Variants in MPP4 observed in about 807,000 individuals in gnomAD.
The protein encoded by MPP4 is MAGUK p55 scaffold protein 4.
MPP4 carries 91 observed loss-of-function variants against 98.3 expected under a neutral mutation model. The observed-to-expected ratio is 0.93, with a 90% CI of 0.78 to 1.10. The LOEUF is 1.10. Ranked by LOEUF, MPP4 falls within the 50% of genes least tolerant of loss-of-function variation. The probability of loss-of-function intolerance (pLI) is 0.00; values close to 1 mark genes in which losing one functional copy is unlikely to be tolerated. For missense variants in MPP4, 744 were observed against 792.9 expected, an observed-to-expected ratio of 0.94 and a Z score of 0.74; for synonymous variants, 261 against 271.8, an observed-to-expected ratio of 0.96 and a Z score of 0.39.
At chr2:201,652,148 G>T in intron 18 of MPP4, 1 of 295,624 alleles carries the variant, frequency 3.4e-6, no homozygotes, top group Non-Finnish European at 5.0e-6. Flanking sequence ...ATCTTCCCCA[G>T]CCCCTGCACA....
intron 14 of MPP4, among the ~76,000 whole-genome samples, chr2:201,660,754 C>T (rs1334800297): frequency 6.6e-6 from 1 of 152,146 alleles, no homozygotes; most frequent in Non-Finnish European, 1.5e-5. Flanking sequence ...AGAAATGGTG[C>T]TGCTGCTGGG....
intron 10 of MPP4, among the ~76,000 whole-genome samples, chr2:201,677,218 G>A (rs1267588965): frequency 6.6e-6 from 1 of 151,802 alleles, no homozygotes; most frequent in African/African-American, 2.4e-5. Context: ...TTCTCCTCTG[G>A]GAGCTCCTGG....
chr2:201,647,789 A>G lies in MPP4; in HGVS notation c.1621T>C (p.Tyr541His). 1 of 1,613,852 alleles carries G rather than the reference A, an allele frequency of 6.2e-7. No individual in the cohort carries two copies. Among genetic ancestry groups the G allele is most frequent in the Non-Finnish European group, 8.5e-7 (1 of 1,179,778 alleles). Residue 541 changes from tyrosine (Y) to histidine (H), a missense_variant, in exon 21 of 22, where the codon TAT becomes CAT. By Grantham distance (83) the Tyr-to-His change is moderately conservative. Coordinates refer to ENST00000409474, the MANE Select transcript of MPP4 (RefSeq NM_033066.3). ...QGVRTHELKP[Y>H]VIFIKPSNMR... ...TTCGATGGCTTTATAAATATGACAT[A>G]GGGCTTCAGTTCATGGGTTCGAACC...
intron 17 of MPP4, among the ~76,000 whole-genome samples, chr2:201,655,374 G>T (rs1687820956): frequency 6.6e-6 from 1 of 152,214 alleles, no homozygotes; most frequent in Non-Finnish European, 1.5e-5. Flanking sequence ...TCCGGCCGGA[G>T]GCAGGGCCGA....
intron 2 of MPP4, 131 bp from the exon 3 acceptor site, chr2:201,693,160 C>T (rs1213051123): frequency 1.9e-6 from 2 of 1,047,130 alleles, no homozygotes; most frequent in East Asian, 2.6e-5. Context: ...GCCAAAAGAT[C>T]TGACTTCAAG....
At chr2:201,697,333 CT>C (rs1210712271) in intron 1 of MPP4, among the ~76,000 whole-genome samples, 1 of 152,208 alleles carries the variant, frequency 6.6e-6, no homozygotes, top group Non-Finnish European at 1.5e-5. Context: ...ATGATTTTCC[CT>C]CCCTCCAGGT....
In MPP4 at chr2:201,679,231, C is replaced by T. The variant is rs150437185; in HGVS notation, c.929+1607G>A. On this transcript the variant is annotated intron_variant, in intron 10 of 21. Transcript: ENST00000409474. ...GTCACACTCCATCCTTATAATCTGT[C>T]CCTTGGCCCCCTCTTGATTTGCTGT... Among the ~76,000 whole-genome samples the T allele has an allele frequency of 2.0e-5, 3 of 152,240 alleles. No homozygotes were observed. The East Asian group carries it at 5.8e-4, about 29-fold the overall frequency.
At chr2:201,686,332 C>T (rs989072129) in intron 5 of MPP4, among the ~76,000 whole-genome samples, 4 of 152,108 alleles carry the variant, frequency 2.6e-5, no homozygotes, top group Non-Finnish European at 1.5e-5. Context: ...TGTATTATGC[C>T]ACGACATTCT....
intron 4 of MPP4, among the ~76,000 whole-genome samples, chr2:201,687,709 T>C (rs1183934697): frequency 6.6e-6 from 1 of 152,122 alleles, no homozygotes; most frequent in Non-Finnish European, 1.5e-5. Flanking sequence ...ATATAATAGC[T>C]GTTGGCTGAT....
At chr2:201,684,156 C>T (rs1321980358) in intron 7 of MPP4, among the ~76,000 whole-genome samples, 2 of 150,304 alleles carry the variant, frequency 1.3e-5, no homozygotes, top group Non-Finnish European at 3.0e-5. Flanking sequence ...GAAGTTGAGG[C>T]TACAGTGAGT....
At position 201,675,283 on chromosome 2, in the gene MPP4, A is replaced by G. The variant is rs761003642; in HGVS notation, c.930-12T>C. The G allele has an allele frequency of 4.5e-4, 722 of 1,599,256 alleles. 3 individuals are homozygous for G. Among genetic ancestry groups the G allele is most frequent in the Non-Finnish European group, 5.9e-4 (692 of 1,173,560 alleles). ...ATTCCCGTTGCTTCCTATGGGGGGG[A>G]AAAAACCATGCGACAAAAAACAAAC... On this transcript the variant is annotated splice_polypyrimidine_tract_variant and intron_variant, in intron 10 of 21. Coordinates refer to ENST00000409474, the MANE Select transcript of MPP4 (RefSeq NM_033066.3).
chr2:201,668,102 T>C (rs1688233822), intron 12 of MPP4, among the ~76,000 whole-genome samples: 3 of 152,204 alleles, frequency 2.0e-5, no homozygotes, highest in Non-Finnish European at 4.4e-5. Context: ...ACAATTTTCA[T>C]TTTTATTTTA....
chr2:201,647,878 C>T, intron 20 of MPP4, 53 bp from the exon 21 acceptor site: 1 of 1,526,332 alleles, frequency 6.6e-7, no homozygotes, highest in Non-Finnish European at 8.9e-7. Context: ...TGTTTTGAGA[C>T]ATGGTCTTGC....
chr2:201,660,900 A>G (rs1688007570), intron 14 of MPP4, among the ~76,000 whole-genome samples: 1 of 152,082 alleles, frequency 6.6e-6, no homozygotes, highest in Non-Finnish European at 1.5e-5. Flanking sequence ...TGTTTTCTAG[A>G]TATCACAAAA....
chr2:201,648,638 ACT>A lies in MPP4; in HGVS notation c.1585-815_1585-814del, dbSNP rs745912684. ...TCTCATATGACAAAGACAAAGACAG[ACT>A]CTCAAGGTGGATCAGCTCTGTTTCA... On this transcript the variant is annotated intron_variant, in intron 20 of 21. Coordinates refer to ENST00000409474, the MANE Select transcript of MPP4 (RefSeq NM_033066.3). Among the ~76,000 whole-genome samples, 14 of 152,104 alleles carry A rather than the reference ACT, an allele frequency of 9.2e-5. No homozygotes were observed. The East Asian group carries it at 2.1e-3, about 23-fold the overall frequency.
At chr2:201,658,660 C>A in intron 15 of MPP4, 142 bp from the exon 16 acceptor site, 2 of 644,440 alleles carry the variant, frequency 3.1e-6, no homozygotes, top group Admixed American at 3.2e-5. Flanking sequence ...AGTGGCTCAC[C>A]GAATGTTCTA....
At chr2:201,667,009 C>T (rs970159501) in intron 12 of MPP4, among the ~76,000 whole-genome samples, 8 of 152,102 alleles carry the variant, frequency 5.3e-5, no homozygotes, top group Non-Finnish European at 8.8e-5. Context: ...CTCTGTTCTC[C>T]ATGTGAAAAT....
At chr2:201,655,619 G>A (rs1239869006) in intron 17 of MPP4, among the ~76,000 whole-genome samples, 11 of 152,150 alleles carry the variant, frequency 7.2e-5, no homozygotes, top group Admixed American at 5.9e-4. Context: ...AGGCAGACAC[G>A]AAGGCAGTAG....
At chr2:201,668,425 A>G (rs1688242672) in intron 12 of MPP4, among the ~76,000 whole-genome samples, 1 of 151,160 alleles carries the variant, frequency 6.6e-6, no homozygotes, top group South Asian at 2.1e-4. Context: ...GAAAAAACAC[A>G]TCAGATCAAT....
Sources: gnomAD v4.1 joint callset for allele counts (sites outside exome capture counted in the v4.1 genomes callset) on GRCh38, gnomAD v4.1.1 for gene constraint, MANE v1.5 for transcripts, NCBI Gene and HGNC (gene_info 2026-07-23, HGNC 2026-07-21) for gene names.